The following SAMSN1 variants were observed in gnomAD, a reference collection of about 807,000 sequenced individuals.
SAMSN1 encodes SAM domain-containing protein SAMSN-1.
In SAMSN1, 31 loss-of-function variants were observed where a neutral mutation model predicts 42.0. The ratio of observed to expected loss-of-function variants is 0.74; its 90% CI spans 0.55 to 1.00. The LOEUF (loss-of-function observed/expected upper bound fraction) is 1.00, where lower values mean the gene tolerates loss of function less well. Among genes scored for constraint, SAMSN1 ranks in the 50% least tolerant of loss-of-function variants. The probability of loss-of-function intolerance (pLI) is 0.00; values close to 1 mark genes in which losing one functional copy is unlikely to be tolerated. For missense variants in SAMSN1, 464 were observed against 439.4 expected (o/e 1.06, Z -0.50); for synonymous variants, 178 against 151.9 (o/e 1.17, Z -1.26).
chr21:14,658,033 C>G (rs1600987787), intron 1 of SAMSN1, among the ~76,000 whole-genome samples: 1 of 151,888 alleles, frequency 6.6e-6, no homozygotes, highest in East Asian at 1.9e-4. Flanking sequence ...GACATAATGC[C>G]CTGCTGTAAA....
intron 7 of SAMSN1, among the ~76,000 whole-genome samples, chr21:14,494,273 C>A (rs1197922719): frequency 2.0e-5 from 3 of 152,162 alleles, no homozygotes; most frequent in Admixed American, 6.5e-5. Flanking sequence ...ATGTTTATTG[C>A]AGCACCATTC....
intron 1 of SAMSN1, among the ~76,000 whole-genome samples, chr21:14,526,429 G>A (rs542056064): frequency 6.6e-6 from 1 of 152,258 alleles, no homozygotes; most frequent in South Asian, 2.1e-4. Context: ...AGGGTCAGCT[G>A]GGGTGTTTGA....
intron 7 of SAMSN1, among the ~76,000 whole-genome samples, chr21:14,495,172 T>A (rs1986866196): frequency 6.6e-6 from 1 of 152,230 alleles, no homozygotes; most frequent in African/African-American, 2.4e-5. Flanking sequence ...CATTTGTTTT[T>A]AAATGTCTCA....
chr21:14,546,839 A>G (rs1980420831), upstream of SAMSN1, among the ~76,000 whole-genome samples: 1 of 152,036 alleles, frequency 6.6e-6, no homozygotes, highest in Admixed American at 6.6e-5. Flanking sequence ...CCTCCCAAGT[A>G]GCTGAAATTA....
chr21:14,535,683 T>C (rs183598827), intron 1 of SAMSN1, among the ~76,000 whole-genome samples: 20 of 152,254 alleles, frequency 1.3e-4, no homozygotes, highest in Non-Finnish European at 2.1e-4. Flanking sequence ...TATAAGATGA[T>C]GTTTGGACAC....
At position 14,643,976 on chromosome 21, in the gene SAMSN1, C is replaced by T. The variant is rs190545793; in HGVS notation, c.25-843G>A. ...CCCAGCCATAGAGGGAGCATTTAAA[C>T]GAGCCCTGGCCAGAAGGGAATCTCT... On this transcript the variant is annotated intron_variant, in intron 1 of 15. Coordinates refer to the SAMSN1 transcript ENST00000647101. Among the ~76,000 whole-genome samples, 68 of 152,288 alleles carry T rather than the reference C, an allele frequency of 4.5e-4. No homozygotes were observed. The East Asian group carries it at 0.011, about 25-fold the overall frequency.
intron 4 of SAMSN1, among the ~76,000 whole-genome samples, chr21:14,610,596 C>G (rs186159186): frequency 6.6e-6 from 1 of 152,130 alleles, no homozygotes; most frequent in East Asian, 1.9e-4. Flanking sequence ...GTTTGTGGCT[C>G]GGGGGCATCA....
intron 2 of SAMSN1, among the ~76,000 whole-genome samples, chr21:14,632,109 T>A (rs73894114): frequency 0.027 from 4,111 of 152,310 alleles, 171 homozygotes; most frequent in African/African-American, 0.09. Flanking sequence ...TGTGCATCTA[T>A]TTTTAATGTC....
intron 3 of SAMSN1, among the ~76,000 whole-genome samples, chr21:14,615,707 TTAATC>T (rs956086735): frequency 7.2e-5 from 11 of 152,216 alleles, no homozygotes; most frequent in African/African-American, 2.4e-4. Flanking sequence ...GGCTCCCACT[TTAATC>T]TAGGCCTGGT....
intron 4 of SAMSN1, chr21:14,612,542 A>G (rs116726858): frequency 2.2e-6 from 1 of 445,414 alleles, no homozygotes; most frequent in East Asian, 6.3e-5. Context: ...CTAGATTCAC[A>G]GATCTAAAAT....
intron 2 of SAMSN1, among the ~76,000 whole-genome samples, chr21:14,579,641 C>CTTTTTTTTTTTTTTTT (rs1247868810): frequency 2.2e-5 from 2 of 89,138 alleles, no homozygotes; most frequent in African/African-American, 4.8e-5. Flanking sequence ...AAAATGCTCA[C>CTTTTTTTTTTTTTTTT]TTTTTTTTTT....
chr21:14,652,875 G>T (rs1007752234), intron 1 of SAMSN1, among the ~76,000 whole-genome samples: 9 of 151,966 alleles, frequency 5.9e-5, no homozygotes, highest in Non-Finnish European at 1.2e-4. Flanking sequence ...ATGGGCAAAA[G>T]AATTTGAATA....
At chr21:14,559,392 C>T (rs1980868205) in intron 2 of SAMSN1, among the ~76,000 whole-genome samples, 2 of 152,172 alleles carry the variant, frequency 1.3e-5, no homozygotes, top group African/African-American at 4.8e-5. Flanking sequence ...GTCTTTAAAC[C>T]AGCACAGCTT....
chr21:14,543,592 A>G (rs1035811034), intron 1 of SAMSN1, among the ~76,000 whole-genome samples: 16 of 152,274 alleles, frequency 1.1e-4, no homozygotes, highest in South Asian at 6.2e-4. Context: ...TTAGCTTTCA[A>G]TTGGAAAGTT....
chr21:14,565,254 C>A (rs543196735), intron 2 of SAMSN1, among the ~76,000 whole-genome samples: 2 of 150,256 alleles, frequency 1.3e-5, no homozygotes, highest in East Asian at 2.0e-4. Context: ...TGAGATCACA[C>A]CACTGAACTC....
rs151214143 is a variant in SAMSN1 at position 14,529,023 on chromosome 21, C to T, written c.58-7802G>A. ...TTTCCTCAGTCAACAAAATAAAGCT[C>T]ATACTCAGCATTCAGTGCATGTGTG... On this transcript the variant is annotated intron_variant, in intron 1 of 7. Transcript: ENST00000400566. Among the ~76,000 whole-genome samples, 241 of 152,336 alleles carry T rather than the reference C, an allele frequency of 1.6e-3. 1 individual carries two copies. The highest frequency in any genetic ancestry group is 5.2e-3 in the African/African-American group (217 of 41,570).
At chr21:14,518,445 A>ATT (rs11453614) in intron 2 of SAMSN1, among the ~76,000 whole-genome samples, 8 of 151,522 alleles carry the variant, frequency 5.3e-5, no homozygotes, top group South Asian at 2.1e-4. Flanking sequence ...AACGTTGCAG[A>ATT]TTTTTTTTTC....
At chr21:14,658,232 T>C (rs893710620) in intron 1 of SAMSN1, among the ~76,000 whole-genome samples, 1 of 151,828 alleles carries the variant, frequency 6.6e-6, no homozygotes, top group Non-Finnish European at 1.5e-5. Context: ...TACCCTTGAG[T>C]AAGCACATCT....
intron 5 of SAMSN1, among the ~76,000 whole-genome samples, chr21:14,501,936 G>T (rs1484740287): frequency 1.3e-5 from 2 of 152,266 alleles, no homozygotes; most frequent in Middle Eastern, 6.8e-3. Context: ...ACCTCATGGG[G>T]ATATTTATTT....
Sources: gnomAD v4.1 joint callset for allele counts (sites outside exome capture counted in the v4.1 genomes callset) on GRCh38, gnomAD v4.1.1 for gene constraint, MANE v1.5 for transcripts, NCBI Gene and HGNC (gene_info 2026-07-23, HGNC 2026-07-21) for gene names.